Variants in CXCL13 observed in about 807,000 individuals in gnomAD.
CXCL13 encodes C-X-C motif chemokine ligand 13.
CXCL13 carries 7 observed loss-of-function variants against 12.2 expected under a neutral mutation model. The ratio of observed to expected loss-of-function variants is 0.57; its 90% CI spans 0.33 to 1.07. CXCL13 has a LOEUF of 1.07. Ranked by LOEUF, CXCL13 falls within the 50% of genes least tolerant of loss-of-function variation. The pLI, the probability that CXCL13 is intolerant of heterozygous loss-of-function variation, is 0.04. For missense variants in CXCL13, 113 were observed against 127.4 expected, an observed-to-expected ratio of 0.89 and a Z score of 0.55; for synonymous variants, 47 against 42.4, an observed-to-expected ratio of 1.11 and a Z score of -0.42.
chr4:77,527,905 A>G (rs781222094), intron 1 of CXCL13, among the ~76,000 whole-genome samples: 2 of 151,992 alleles, frequency 1.3e-5, no homozygotes, highest in African/African-American at 2.4e-5. Flanking sequence ...CATTAGGTAT[A>G]TCTCCTAATG....
chr4:77,528,178 A>G (rs1043445446), intron 1 of CXCL13, among the ~76,000 whole-genome samples: 2 of 152,178 alleles, frequency 1.3e-5, no homozygotes, highest in African/African-American at 4.8e-5. Context: ...CCAGTCTATC[A>G]TTGTTGGACA....
chr4:77,530,192 G>T (rs974247780), intron 1 of CXCL13, among the ~76,000 whole-genome samples: 1 of 152,072 alleles, frequency 6.6e-6, no homozygotes, highest in Admixed American at 6.5e-5. Flanking sequence ...ATTTTATTGA[G>T]GATTTTTGCA....
intron 1 of CXCL13, among the ~76,000 whole-genome samples, chr4:77,596,611 C>G (rs935348817): frequency 4.6e-5 from 7 of 151,670 alleles, no homozygotes; most frequent in African/African-American, 1.7e-4. Flanking sequence ...ATGGTGAAAC[C>G]CCATCTCTAC....
chr4:77,563,975 T>G (rs1486820553), intron 1 of CXCL13, among the ~76,000 whole-genome samples: 1 of 152,190 alleles, frequency 6.6e-6, no homozygotes, highest in Non-Finnish European at 1.5e-5. Flanking sequence ...AGGGCCAGTT[T>G]CGAGGGCATG....
chr4:77,513,920 G>A (rs1217193542), intron 1 of CXCL13, among the ~76,000 whole-genome samples: 1 of 151,550 alleles, frequency 6.6e-6, no homozygotes, highest in Non-Finnish European at 1.5e-5. Flanking sequence ...TCGTCATCTA[G>A]CATTAGGTAT....
At chr4:77,526,903 C>G (rs1353346687) in intron 1 of CXCL13, among the ~76,000 whole-genome samples, 1 of 152,066 alleles carries the variant, frequency 6.6e-6, no homozygotes, top group African/African-American at 2.4e-5. Flanking sequence ...ACTCTTCTTC[C>G]TGGTTAAACA....
intron 1 of CXCL13, 128 bp downstream of exon 1, chr4:77,606,057 A>G: frequency 2.1e-6 from 1 of 481,070 alleles, no homozygotes; most frequent in African/African-American, 2.0e-5. Flanking sequence ...TGTTCCTTCT[A>G]GATTTCTCAA....
rs535460617 is a variant in CXCL13, at chr4:77,569,430, A to C, written c.-42-36394A>C. ...ACTTCAGGAAAGACACAGGTTACCA[A>C]ATCAATGTGCAAAAATCACTAGCAT... is the stretch of plus-strand genomic sequence containing the variant. On this transcript the variant is annotated intron_variant, in intron 1 of 4. Coordinates refer to the CXCL13 transcript ENST00000286758. Among the ~76,000 whole-genome samples the C allele has an allele frequency of 2.6e-5, 4 of 152,310 alleles. No homozygotes were observed. In the East Asian group the frequency reaches 7.7e-4, roughly 29 times the overall value.
At chr4:77,527,397 T>G (rs1032568192) in intron 1 of CXCL13, among the ~76,000 whole-genome samples, 1 of 152,166 alleles carries the variant, frequency 6.6e-6, no homozygotes, top group Non-Finnish European at 1.5e-5. Flanking sequence ...TTTGGGAGGC[T>G]GAGGCGGGTG....
chr4:77,541,305 G>A (rs1468532363), intron 1 of CXCL13, among the ~76,000 whole-genome samples: 1 of 152,078 alleles, frequency 6.6e-6, no homozygotes, highest in Non-Finnish European at 1.5e-5. Flanking sequence ...TGCCTTGGAG[G>A]ACTTAGTCAT....
chr4:77,585,017 T>C (rs1203080647), intron 1 of CXCL13, among the ~76,000 whole-genome samples: 1 of 152,214 alleles, frequency 6.6e-6, no homozygotes, highest in Non-Finnish European at 1.5e-5. Context: ...AGTGTGCTCA[T>C]GGCTGGCTGA....
chr4:77,552,037 T>C (rs541319828), intron 1 of CXCL13, among the ~76,000 whole-genome samples: 2 of 152,314 alleles, frequency 1.3e-5, no homozygotes, highest in East Asian at 3.9e-4. Context: ...TTGTATCTCA[T>C]TGAACTTCCT....
At chr4:77,519,336 C>A (rs1333373532) in intron 1 of CXCL13, among the ~76,000 whole-genome samples, 1 of 152,180 alleles carries the variant, frequency 6.6e-6, no homozygotes, top group Non-Finnish European at 1.5e-5. Context: ...GATGGAAATG[C>A]AGAAATCACC....
At chr4:77,583,165 G>A (rs987235169) in intron 1 of CXCL13, among the ~76,000 whole-genome samples, 1 of 152,182 alleles carries the variant, frequency 6.6e-6, no homozygotes, top group Admixed American at 6.5e-5. Context: ...GTGGCCATTG[G>A]GAAAGCTTCT....
At chr4:77,581,717 A>G (rs891599003) in intron 1 of CXCL13, among the ~76,000 whole-genome samples, 12 of 152,032 alleles carry the variant, frequency 7.9e-5, no homozygotes, top group Admixed American at 2.0e-4. Context: ...AACCTCTACA[A>G]TCTTTTCCCA....
At chr4:77,599,177 A>G (rs1007813190) in intron 1 of CXCL13, among the ~76,000 whole-genome samples, 5 of 152,170 alleles carry the variant, frequency 3.3e-5, no homozygotes, top group African/African-American at 7.2e-5. Flanking sequence ...GAAAAAAAAC[A>G]TTAACAATAT....
At chr4:77,528,953 G>T (rs1189658698) in intron 1 of CXCL13, among the ~76,000 whole-genome samples, 1 of 152,126 alleles carries the variant, frequency 6.6e-6, no homozygotes, top group African/African-American at 2.4e-5. Context: ...ATTAATTTTT[G>T]TATAAGGTGT....
intron 1 of CXCL13, among the ~76,000 whole-genome samples, chr4:77,549,658 C>G (rs1196117114): frequency 2.6e-5 from 4 of 152,166 alleles, no homozygotes; most frequent in Non-Finnish European, 4.4e-5. Context: ...CTGGGTATCA[C>G]CAGCAGAGGC....
At chr4:77,520,559 T>A (rs1475477212) in intron 1 of CXCL13, among the ~76,000 whole-genome samples, 1 of 152,238 alleles carries the variant, frequency 6.6e-6, no homozygotes, top group Non-Finnish European at 1.5e-5. Flanking sequence ...TTTTGCACAT[T>A]GATTTTGTAT....
Sources: gnomAD v4.1 joint callset for allele counts (sites outside exome capture counted in the v4.1 genomes callset) on GRCh38, gnomAD v4.1.1 for gene constraint, MANE v1.5 for transcripts, NCBI Gene and HGNC (gene_info 2026-07-23, HGNC 2026-07-21) for gene names.